The following MECOM variants were observed in gnomAD, a reference collection of about 807,000 sequenced individuals.
MECOM encodes the protein MDS1 and EVI1 complex locus.
Under a neutral mutation model 116.3 loss-of-function variants are expected in MECOM, and 13 were observed. The ratio of observed to expected loss-of-function variants is 0.11; its 90% confidence interval spans 0.07 to 0.18. The LOEUF is 0.18. MECOM is among the 10% of genes least tolerant of loss of function. The probability of loss-of-function intolerance (pLI) is 1.00; values close to 1 mark genes in which losing one functional copy is unlikely to be tolerated. For missense variants in MECOM, 1,299 were observed against 1,509.0 expected (o/e 0.86, Z 2.31); for synonymous variants, 528 against 535.2 (o/e 0.99, Z 0.19).
chr3:169,128,105 C>T, intron 4 of MECOM, 45 bp from the exon 5 acceptor site: 1 of 1,561,164 alleles, frequency 6.4e-7, no homozygotes, highest in South Asian at 1.1e-5. Context: ...TCAGGAATTG[C>T]CATCACAAAC....
intron 1 of MECOM, among the ~76,000 whole-genome samples, chr3:169,549,767 TC>T (rs1761156444): frequency 6.6e-6 from 1 of 152,214 alleles, no homozygotes; most frequent in Admixed American, 6.5e-5. Flanking sequence ...AAATAAGTGT[TC>T]CTGTGAGAAT....
At chr3:169,262,326 T>A (rs1757672775) in intron 2 of MECOM, among the ~76,000 whole-genome samples, 1 of 152,230 alleles carries the variant, frequency 6.6e-6, no homozygotes, top group Admixed American at 6.5e-5. Flanking sequence ...ACCAAACTCT[T>A]ACTCAAATGT....
At chr3:169,616,343 G>T (rs768943942) in intron 1 of MECOM, among the ~76,000 whole-genome samples, 111 of 152,014 alleles carry the variant, frequency 7.3e-4, no homozygotes, top group Non-Finnish European at 1.2e-3. Context: ...TTTGGTTTTG[G>T]TTTTTTTGTT....
chr3:169,481,013 AAG>A (rs1221228128), intron 1 of MECOM, among the ~76,000 whole-genome samples: 1 of 152,204 alleles, frequency 6.6e-6, no homozygotes, highest in Non-Finnish European at 1.5e-5. Flanking sequence ...AGTCAACAAA[AAG>A]AGAGTGTACA....
At chr3:169,225,503 C>A (rs914424710) in intron 2 of MECOM, among the ~76,000 whole-genome samples, 1 of 152,186 alleles carries the variant, frequency 6.6e-6, no homozygotes, top group Admixed American at 6.5e-5. Flanking sequence ...TCTCAAAACA[C>A]CCTACACCAA....
intron 1 of MECOM, among the ~76,000 whole-genome samples, chr3:169,405,510 A>G (rs1291475830): frequency 1.3e-5 from 2 of 152,170 alleles, no homozygotes; most frequent in South Asian, 4.1e-4. Flanking sequence ...AGCTTGTGCG[A>G]TGGGGAGACT....
chr3:169,189,658 T>C (rs988968127), intron 2 of MECOM, among the ~76,000 whole-genome samples: 1 of 152,112 alleles, frequency 6.6e-6, no homozygotes, highest in Non-Finnish European at 1.5e-5. Flanking sequence ...CCAGTCACAT[T>C]GTTTATAGGA....
chr3:169,261,779 AAAG>A (rs1307853104), intron 2 of MECOM, among the ~76,000 whole-genome samples: 3 of 152,220 alleles, frequency 2.0e-5, no homozygotes, highest in African/African-American at 4.8e-5. Flanking sequence ...GAAGACGACA[AAAG>A]AAGAAGAATA....
intron 1 of MECOM, among the ~76,000 whole-genome samples, chr3:169,421,845 A>C (rs1739812661): frequency 6.6e-6 from 1 of 152,132 alleles, no homozygotes; most frequent in South Asian, 2.1e-4. Context: ...AAGAATAAAT[A>C]GGTGGACATG....
In MECOM at chr3:169,108,030, T is replaced by C. The variant is rs1305446357; in HGVS notation, c.2578-78A>G. On this transcript the variant is annotated intron_variant, in intron 9 of 16. Transcript: ENST00000651503. ...TATTGCAATCTATCCTTTGAGAAAT[T>C]AACATTTGTACTAACTTAGTAATTT... 9 of 1,235,738 alleles carry C rather than the reference T, an allele frequency of 7.3e-6. No homozygotes were observed. In the Admixed American group the frequency reaches 1.7e-4, roughly 23 times the overall value. 76.5% of individuals were successfully genotyped at this position (1,235,738 alleles called of 1,614,324 possible).
Position 169,188,170 on chromosome 3 carries a change from C to A in MECOM, c.376-44338G>T, listed in dbSNP as rs192943809. 2.0e-4 allele frequency among the ~76,000 whole-genome samples: 30 copies of A among 152,134 alleles called. No homozygotes were observed. The East Asian group carries it at 2.1e-3, about 11-fold the overall frequency. ...CAATTCTCTCTCAATACCTGACAAC[C>A]TTTTTTCCTTTGAGCAAGTTCTTGA... is the stretch of plus-strand genomic sequence containing the variant. On this transcript the variant is annotated intron_variant, in intron 2 of 16. Coordinates refer to ENST00000651503, the MANE Select transcript of MECOM (RefSeq NM_004991.4).
At position 169,102,088 on chromosome 3, in the gene MECOM, G is replaced by A. The variant is rs766507303; in HGVS notation, c.2743C>T (p.Arg915Trp). The change falls in exon 11 of 17, where the codon CGG becomes TGG. Residue 915 changes from arginine to tryptophan, a missense_variant. Physicochemically the swap from Arg to Trp is moderately radical, Grantham distance 101. Coordinates refer to ENST00000651503, the MANE Select transcript of MECOM (RefSeq NM_004991.4). ...PPNALPENLL[R>W]KGKERYTCRY... ...CAGGTATAGCGCTCCTTTCCCTTCC[G>A]CAGAAGGTTCTCTGGCAGGGCATTG... The A allele has an allele frequency of 1.3e-5, 21 of 1,613,026 alleles. No homozygotes were observed. Among genetic ancestry groups the A allele is most frequent in the African/African-American group, 4.0e-5 (3 of 74,864 alleles).
At chr3:169,603,265 T>G in intron 1 of MECOM, among the ~76,000 whole-genome samples, 1 of 152,186 alleles carries the variant, frequency 6.6e-6, no homozygotes. Context: ...GTTTTTAAAG[T>G]TTTTTAAAAT....
chr3:169,382,849 CAAAA>C (rs1157852145), intron 1 of MECOM, among the ~76,000 whole-genome samples: 7 of 47,162 alleles, frequency 1.5e-4, no homozygotes, highest in African/African-American at 6.2e-4. Context: ...AAGCCCATCT[CAAAA>C]AAAAAAAAAA....
chr3:169,263,128 TG>T lies in MECOM; in HGVS notation c.375+118058del, dbSNP rs71166254. On this transcript the variant is annotated intron_variant, in intron 2 of 16. Coordinates refer to ENST00000651503, the MANE Select transcript of MECOM (RefSeq NM_004991.4). ...ATATATATATATATATATATATATA[TG>T]TTTTTTTTTTTTTTTTTGAGACAGA... 1.5e-3 allele frequency among the ~76,000 whole-genome samples: 99 copies of T among 64,036 alleles called. 3 individuals are homozygous for T. Among genetic ancestry groups the T allele is most frequent in the Non-Finnish European group, 1.6e-3 (58 of 36,634 alleles). The allele number at this position is 64,036 out of a possible 152,430, so 42.0% of individuals were successfully genotyped here.
chr3:169,095,361 G>A (rs1721133340), intron 12 of MECOM, 116 bp from the exon 13 acceptor site: 1 of 792,656 alleles, frequency 1.3e-6, no homozygotes, highest in Non-Finnish European at 1.9e-6. Context: ...TAAAGAAAAG[G>A]CACAGGGAGA....
chr3:169,612,888 C>A (rs1483802133), intron 1 of MECOM, among the ~76,000 whole-genome samples: 1 of 152,170 alleles, frequency 6.6e-6, no homozygotes, highest in African/African-American at 2.4e-5. Context: ...GAATTCCTGA[C>A]ACAACACTAT....
At chr3:169,094,085 A>G (rs1300367885) in intron 13 of MECOM, among the ~76,000 whole-genome samples, 2 of 152,174 alleles carry the variant, frequency 1.3e-5, no homozygotes, top group Admixed American at 1.3e-4. Context: ...CCTAAAATCT[A>G]ATATTTTAAA....
At chr3:169,371,803 G>A (rs376139585) in intron 2 of MECOM, among the ~76,000 whole-genome samples, 1 of 151,866 alleles carries the variant, frequency 6.6e-6, no homozygotes, top group Non-Finnish European at 1.5e-5. Flanking sequence ...GCTGACCACC[G>A]TTGTTAGGTA....
Sources: gnomAD v4.1 joint callset for allele counts (sites outside exome capture counted in the v4.1 genomes callset) on GRCh38, gnomAD v4.1.1 for gene constraint, MANE v1.5 for transcripts, NCBI Gene and HGNC (gene_info 2026-07-23, HGNC 2026-07-21) for gene names.